The following ZCCHC7 variants were observed in gnomAD, a reference collection of about 807,000 sequenced individuals.
ZCCHC7 encodes zinc finger CCHC-type containing 7.
ZCCHC7 carries 35 observed loss-of-function variants against 52.0 expected under a neutral mutation model. The observed-to-expected ratio is 0.67, with a 90% CI of 0.51 to 0.89. The LOEUF is 0.89. ZCCHC7 is among the 40% of genes least tolerant of loss of function. The probability of loss-of-function intolerance (pLI) is 0.00; values close to 1 mark genes in which losing one functional copy is unlikely to be tolerated. For missense variants in ZCCHC7, 574 were observed against 649.1 expected, an observed-to-expected ratio of 0.88 and a Z score of 1.26; for synonymous variants, 217 against 221.5, an observed-to-expected ratio of 0.98 and a Z score of 0.18.
At chr9:37,134,398 A>C (rs1383537885) in intron 2 of ZCCHC7, among the ~76,000 whole-genome samples, 1 of 152,198 alleles carries the variant, frequency 6.6e-6, no homozygotes, top group Admixed American at 6.5e-5. Context: ...AGCTTGATTA[A>C]ATTCAGATTT....
At chr9:37,196,019 T>C (rs143341950) in intron 2 of ZCCHC7, among the ~76,000 whole-genome samples, 98 of 152,306 alleles carry the variant, frequency 6.4e-4, no homozygotes, top group African/African-American at 2.1e-3. Context: ...TGTGTAGAGT[T>C]TGAATTTTCT....
At chr9:37,184,492 T>C (rs2133065829) in intron 2 of ZCCHC7, among the ~76,000 whole-genome samples, 1 of 152,228 alleles carries the variant, frequency 6.6e-6, no homozygotes, top group East Asian at 1.9e-4. Context: ...ATCCTATTCC[T>C]GCTCTCCTGA....
intron 2 of ZCCHC7, among the ~76,000 whole-genome samples, chr9:37,288,141 A>G (rs1437867455): frequency 6.6e-6 from 1 of 151,858 alleles, no homozygotes; most frequent in Non-Finnish European, 1.5e-5. Context: ...TTAGCCAAGC[A>G]TGGTGGTACA....
intron 2 of ZCCHC7, among the ~76,000 whole-genome samples, chr9:37,226,858 G>A (rs1327709558): frequency 6.6e-6 from 1 of 152,006 alleles, no homozygotes; most frequent in Non-Finnish European, 1.5e-5. Flanking sequence ...GTGAAACCCT[G>A]TCTCTACTAA....
At chr9:37,128,466 A>C (rs1355144765) in intron 2 of ZCCHC7, among the ~76,000 whole-genome samples, 1 of 152,112 alleles carries the variant, frequency 6.6e-6, no homozygotes, top group Middle Eastern at 3.2e-3. Context: ...GAAGATGACA[A>C]CCTGTGTAAC....
intron 2 of ZCCHC7, among the ~76,000 whole-genome samples, chr9:37,297,366 TGA>T (rs746747531): frequency 1.3e-5 from 2 of 152,202 alleles, no homozygotes; most frequent in Admixed American, 1.3e-4. Context: ...GTCTTTTACA[TGA>T]GAGAGATTCA....
At position 37,186,383 on chromosome 9, in the gene ZCCHC7, G is replaced by C. The variant is rs374963088; in HGVS notation, c.610+59441G>C. 1.2e-4 allele frequency among the ~76,000 whole-genome samples: 18 copies of C among 152,104 alleles called. 2 individuals are homozygous for C. The highest frequency in any genetic ancestry group is 1.1e-3 in the Admixed American group (17 of 15,274). On this transcript the variant is annotated intron_variant, in intron 2 of 8. Transcript: ENST00000336755. ...ATATATTTATTTAATAGCTATGAGA[G>C]ATGGATTTTCATAAACTTTTATCCA...
chr9:37,216,715 G>C (rs953238722), intron 2 of ZCCHC7, among the ~76,000 whole-genome samples: 2 of 151,906 alleles, frequency 1.3e-5, no homozygotes, highest in Non-Finnish European at 2.9e-5. Flanking sequence ...TATCTTATAG[G>C]GAGAGCATTA....
intron 5 of ZCCHC7, 148 bp from the exon 6 acceptor site, chr9:37,327,651 G>A: frequency 1.4e-6 from 1 of 706,092 alleles, no homozygotes; most frequent in Non-Finnish European, 2.4e-6. Context: ...TGTCTAGCCA[G>A]GTTTTTGAAG....
chr9:37,229,746 A>G (rs1825308740), intron 2 of ZCCHC7, among the ~76,000 whole-genome samples: 1 of 152,168 alleles, frequency 6.6e-6, no homozygotes, highest in Non-Finnish European at 1.5e-5. Flanking sequence ...CACTAAATTT[A>G]TTAACTTTTT....
chr9:37,142,321 G>A (rs1460194168), intron 2 of ZCCHC7, among the ~76,000 whole-genome samples: 5 of 151,622 alleles, frequency 3.3e-5, no homozygotes, highest in African/African-American at 1.2e-4. Flanking sequence ...GTTGTGAGGT[G>A]TCTAAAATGC....
chr9:37,230,322 A>C (rs1825337141), intron 2 of ZCCHC7, among the ~76,000 whole-genome samples: 1 of 152,228 alleles, frequency 6.6e-6, no homozygotes, highest in Admixed American at 6.5e-5. Flanking sequence ...CATGACCCCA[A>C]ACCTGTGAGT....
chr9:37,133,510 C>T (rs144022924), intron 2 of ZCCHC7, among the ~76,000 whole-genome samples: 5 of 151,364 alleles, frequency 3.3e-5, no homozygotes, highest in Non-Finnish European at 5.9e-5. Context: ...TGAATAGCTG[C>T]GAATGCAGGT....
chr9:37,121,943 T>C (rs1842333235), intron 1 of ZCCHC7, among the ~76,000 whole-genome samples: 1 of 152,224 alleles, frequency 6.6e-6, no homozygotes, highest in Admixed American at 6.5e-5. Flanking sequence ...ATTTTAACCC[T>C]TTAGACAATT....
chr9:37,193,231 T>C (rs1277473147), intron 2 of ZCCHC7, among the ~76,000 whole-genome samples: 1 of 152,192 alleles, frequency 6.6e-6, no homozygotes, highest in African/African-American at 2.4e-5. Context: ...AATCAATAAC[T>C]TTAACATTTT....
chr9:37,144,527 A>G (rs1034026213), intron 2 of ZCCHC7, among the ~76,000 whole-genome samples: 1 of 151,980 alleles, frequency 6.6e-6, no homozygotes, highest in Admixed American at 6.6e-5. Context: ...AAATTTATAC[A>G]TGATATTTTT....
intron 2 of ZCCHC7, among the ~76,000 whole-genome samples, chr9:37,189,006 ATCTCTCAGATTTAATATTT>A (rs1480444989): frequency 3.9e-5 from 3 of 77,754 alleles, no homozygotes; most frequent in African/African-American, 1.7e-4. Flanking sequence ...TTTTTTTCCC[ATCTCTCAGATTTAATATTT>A]TCTATAAATC....
intron 2 of ZCCHC7, among the ~76,000 whole-genome samples, chr9:37,129,135 T>C (rs1842664023): frequency 6.6e-6 from 1 of 152,216 alleles, no homozygotes; most frequent in Admixed American, 6.5e-5. Flanking sequence ...ATCTTTCCTT[T>C]GAAACAACTC....
intron 4 of ZCCHC7, 60 bp from the exon 5 acceptor site, chr9:37,305,484 C>G (rs3780334): frequency 0.55 from 862,422 of 1,581,700 alleles, 237,543 homozygotes; most frequent in African/African-American, 0.62. Flanking sequence ...TATTGAAAAA[C>G]AAATACTAAT....
Sources: gnomAD v4.1 joint callset for allele counts (sites outside exome capture counted in the v4.1 genomes callset) on GRCh38, gnomAD v4.1.1 for gene constraint, MANE v1.5 for transcripts, NCBI Gene and HGNC (gene_info 2026-07-23, HGNC 2026-07-21) for gene names.